Variants in SCAI observed in about 807,000 individuals in gnomAD.
SCAI encodes suppressor of cancer cell invasion.
Under a neutral mutation model 92.2 loss-of-function variants are expected in SCAI, and 24 were observed. The observed-to-expected ratio is 0.26, with a 90% CI of 0.19 to 0.37. SCAI has a LOEUF of 0.37. SCAI is among the 10% of genes least tolerant of loss of function. SCAI has a pLI of 1.00. For missense variants in SCAI, 450 were observed against 736.2 expected (o/e 0.61, Z 4.50); for synonymous variants, 261 against 258.6 (o/e 1.01, Z -0.09).
At chr9:125,018,630 A>C in intron 9 of SCAI, among the ~76,000 whole-genome samples, 169 bp downstream of exon 9, 1 of 152,276 alleles carries the variant, frequency 6.6e-6, no homozygotes, top group Middle Eastern at 3.4e-3. Flanking sequence ...AATTCTTTCT[A>C]AGCTATTTAA....
At chr9:125,045,475 G>T (rs1588174469) in intron 3 of SCAI, among the ~76,000 whole-genome samples, 2 of 152,144 alleles carry the variant, frequency 1.3e-5, no homozygotes, top group Admixed American at 1.3e-4. Flanking sequence ...TGAGCAGCTG[G>T]ACTACAGGCA....
chr9:125,019,107 C>T lies in SCAI; in HGVS notation c.708G>A (p.Glu236=), dbSNP rs753626920. Residue 236 remains glutamate (E), a splice_region_variant and synonymous_variant, in exon 8 of 18, where the codon GAG becomes GAA. Transcript: ENST00000336505. ...ATGATTTTTCTTATCAAAAACTGAC[C>T]TCAATGAAAGCTGCTACTTCTTGAA... The part of the protein sequence containing the change: ...LVLQEVAAFI[E]ADPVMVLNDD... The T allele has an allele frequency of 6.3e-7, 1 of 1,593,128 alleles. No homozygotes were observed. Among genetic ancestry groups the T allele is most frequent in the Non-Finnish European group, 8.6e-7 (1 of 1,168,294 alleles).
At chr9:125,042,664 C>CACACACAT (rs139156398) in intron 3 of SCAI, among the ~76,000 whole-genome samples, 14,276 of 127,966 alleles carry the variant, frequency 0.11, 1,039 homozygotes, top group Non-Finnish European at 0.15. Context: ...CACACACACA[C>CACACACAT]ACATATACAA....
chr9:125,143,392 C>T lies in SCAI; in HGVS notation c.46G>A (p.Ala16Thr). The T allele has an allele frequency of 7.2e-7, 1 of 1,389,598 alleles. No homozygotes were observed. Among genetic ancestry groups the T allele is most frequent in the Non-Finnish European group, 9.3e-7 (1 of 1,070,150 alleles). The allele number at this position is 1,389,598 out of a possible 1,614,324, so 86.1% of individuals were successfully genotyped here. ...RQPQQPRSRL[A>T]PRLTGTVEKP... ...TCCACCCAGCCCCCGCACCTGGGGGCCAGGCGACTCCGCGGCTGCTGGGGC... is the reference window on the plus strand; with the variant it reads ...TCCACCCAGCCCCCGCACCTGGGGGTCAGGCGACTCCGCGGCTGCTGGGGC... The change falls in exon 1 of 18, where the codon GCC becomes ACC. Residue 16 changes from alanine (A) to threonine (T), a missense_variant. This residue lies in a region of SCAI where 70 missense variants were observed against 66.3 expected (regional missense o/e 1.06). Coordinates refer to ENST00000336505, the MANE Select transcript of SCAI (RefSeq NM_001144877.3).
At chr9:125,098,851 G>A (rs1298114725) in intron 2 of SCAI, among the ~76,000 whole-genome samples, 4 of 152,016 alleles carry the variant, frequency 2.6e-5, no homozygotes, top group African/African-American at 4.8e-5. Context: ...TGTTTTAGCC[G>A]AAGTCAGATA....
intron 3 of SCAI, among the ~76,000 whole-genome samples, chr9:125,038,601 C>T (rs1176379795): frequency 6.6e-6 from 1 of 152,176 alleles, no homozygotes. Flanking sequence ...TTTTCCATTA[C>T]AACTTTTCTG....
At chr9:125,116,850 A>G (rs922463330) in intron 2 of SCAI, among the ~76,000 whole-genome samples, 8 of 152,190 alleles carry the variant, frequency 5.3e-5, no homozygotes, top group African/African-American at 1.9e-4. Context: ...TTTTCCATAA[A>G]ATAAAAATTT....
At chr9:125,051,839 C>T (rs1048118104) in intron 3 of SCAI, among the ~76,000 whole-genome samples, 4 of 152,164 alleles carry the variant, frequency 2.6e-5, no homozygotes, top group Admixed American at 2.6e-4. Context: ...GAGGCCAAGG[C>T]AGGCGGATCA....
chr9:125,082,022 C>G (rs1201076288), intron 2 of SCAI, among the ~76,000 whole-genome samples: 1 of 152,204 alleles, frequency 6.6e-6, no homozygotes, highest in Non-Finnish European at 1.5e-5. Context: ...AAATTAATCC[C>G]CAAGACTATG....
chr9:125,002,469 T>C (rs1429345686), intron 11 of SCAI, among the ~76,000 whole-genome samples: 1 of 144,926 alleles, frequency 6.9e-6, no homozygotes, highest in African/African-American at 2.6e-5. Context: ...CTAGACACTC[T>C]GCTTTTGTTT....
intron 2 of SCAI, among the ~76,000 whole-genome samples, chr9:125,083,378 T>C (rs1588207111): frequency 1.3e-5 from 2 of 151,500 alleles, no homozygotes; most frequent in Admixed American, 1.3e-4. Flanking sequence ...ATTAGCTGGG[T>C]GTGGTGGTGT....
chr9:125,138,664 T>C (rs1055645149), intron 2 of SCAI, among the ~76,000 whole-genome samples: 1 of 152,176 alleles, frequency 6.6e-6, no homozygotes, highest in Admixed American at 6.5e-5. Flanking sequence ...TCCGCCCGCC[T>C]TGGCCTCCCA....
chr9:124,959,008 C>G lies in SCAI; in HGVS notation c.1675-6055G>C, dbSNP rs181678492. Among the ~76,000 whole-genome samples the G allele has an allele frequency of 1.6e-4, 25 of 151,754 alleles. No individual in the cohort carries two copies. The East Asian group carries it at 4.8e-3, about 29-fold the overall frequency. On this transcript the variant is annotated intron_variant, in intron 17 of 17. Transcript: ENST00000336505. ...AACACAAATCAGAGAAGAAAAAACT[C>G]AGATTTTTCATCGTAGCTTCAATTT...
intron 2 of SCAI, 145 bp from the exon 3 acceptor site, chr9:125,056,152 G>A (rs370799919): frequency 1.5e-6 from 1 of 652,256 alleles, no homozygotes; most frequent in Non-Finnish European, 2.5e-6. Flanking sequence ...TATAATTTAA[G>A]TGTAAGATAC....
intron 2 of SCAI, among the ~76,000 whole-genome samples, chr9:125,090,289 A>G (rs1053820124): frequency 6.6e-6 from 1 of 152,162 alleles, no homozygotes; most frequent in African/African-American, 2.4e-5. Context: ...GATTTCAAGA[A>G]AGGAGGAGGT....
At chr9:124,970,211 A>G (rs887609616) in intron 17 of SCAI, among the ~76,000 whole-genome samples, 2 of 152,196 alleles carry the variant, frequency 1.3e-5, no homozygotes, top group African/African-American at 4.8e-5. Flanking sequence ...TATCAGAAGA[A>G]TAAGTGATTT....
chr9:125,102,986 C>T (rs1456092874), intron 2 of SCAI, among the ~76,000 whole-genome samples: 1 of 152,108 alleles, frequency 6.6e-6, no homozygotes, highest in Non-Finnish European at 1.5e-5. Flanking sequence ...TAGACACCTG[C>T]CCTCTGCTTT....
intron 2 of SCAI, among the ~76,000 whole-genome samples, chr9:125,111,907 G>T (rs1834936962): frequency 1.3e-5 from 2 of 152,204 alleles, no homozygotes; most frequent in African/African-American, 4.8e-5. Flanking sequence ...CTGTAGAGGA[G>T]AAAGCTGCAC....
intron 2 of SCAI, among the ~76,000 whole-genome samples, chr9:125,074,175 C>G (rs554795882): frequency 3.5e-4 from 53 of 149,734 alleles, no homozygotes; most frequent in African/African-American, 1.2e-3. Flanking sequence ...AGGAAAATTG[C>G]TTGAACCCGA....
Sources: gnomAD v4.1 joint callset for allele counts (sites outside exome capture counted in the v4.1 genomes callset) on GRCh38, gnomAD v4.1.1 for gene constraint, gnomAD v4.1.1 regional missense constraint, MANE v1.5 for transcripts, NCBI Gene and HGNC (gene_info 2026-07-23, HGNC 2026-07-21) for gene names.